The following CELSR1 variants were observed in gnomAD, a reference collection of about 807,000 sequenced individuals.
The protein encoded by CELSR1 is adhesion G protein-coupled receptor C1.
A neutral mutation model predicts 249.1 loss-of-function variants in CELSR1; 110 were observed. That is an observed-to-expected ratio of 0.44 (90% CI 0.38 to 0.52). The LOEUF is 0.52. Among genes scored for constraint, CELSR1 ranks in the 20% least tolerant of loss-of-function variants. CELSR1 has a pLI of 0.00. For missense variants in CELSR1, 4,109 were observed against 4,296.4 expected (o/e 0.96, Z 1.22); for synonymous variants, 2,113 against 1,900.0 (o/e 1.11, Z -2.92).
chr22:46,426,508 G>A (rs2079539741), intron 5 of CELSR1, among the ~76,000 whole-genome samples: 1 of 152,040 alleles, frequency 6.6e-6, no homozygotes, highest in African/African-American at 2.4e-5. Flanking sequence ...CGGTCTTGGG[G>A]CTCTTTTATA....
In CELSR1 at chr22:46,397,661, A is replaced by G; in HGVS notation, c.5701+13T>C. 1 of 1,467,070 alleles carries G rather than the reference A, an allele frequency of 6.8e-7. No individual in the cohort carries two copies. The highest frequency in any genetic ancestry group is 9.1e-7 in the Non-Finnish European group (1 of 1,097,776). 90.9% of individuals were successfully genotyped at this position (1,467,070 alleles called of 1,614,324 possible). A position where few individuals can be genotyped will look rare whatever the true frequency, so the allele number is the denominator to read the frequency against. On this transcript the variant is annotated intron_variant, in intron 12 of 34. Coordinates refer to ENST00000674500, the MANE Select transcript of CELSR1 (RefSeq NM_001378328.1). ...CTCCCTGTCACTGAAGGGCCCCGGGAGGGCGGTCCCACCTTTGTCACAGAC... is the reference window on the plus strand; with the variant it reads ...CTCCCTGTCACTGAAGGGCCCCGGGGGGGCGGTCCCACCTTTGTCACAGAC...
At position 46,361,827 on chromosome 22, in the gene CELSR1, A is replaced by G. The variant is rs1352637266; in HGVS notation, c.*1396T>C. 1 of 152,266 alleles carries G rather than the reference A, an allele frequency of 6.6e-6. No individual in the cohort carries two copies. The allele number at this position is 152,266 out of a possible 1,614,324, so 9.4% of individuals were successfully genotyped here. ...CTTATTTGGGCACCTGATTTGAAGA[A>G]CAAAGGAAACGCTAAAATCAAACAT... On this transcript the variant is annotated 3_prime_UTR_variant, in exon 35 of 35. Coordinates refer to ENST00000674500, the MANE Select transcript of CELSR1 (RefSeq NM_001378328.1).
At position 46,534,699 on chromosome 22, in the gene CELSR1, G is replaced by T; in HGVS notation, c.2472C>A (p.Ile824=). 1 of 1,613,540 alleles carries T rather than the reference G, an allele frequency of 6.2e-7. No homozygotes were observed. The highest frequency in any genetic ancestry group is 1.1e-5 in the South Asian group (1 of 91,084). The change falls in exon 1 of 35, where the codon ATC becomes ATA. Residue 824 remains isoleucine, a synonymous_variant. Coordinates refer to ENST00000674500, the MANE Select transcript of CELSR1 (RefSeq NM_001378328.1). This position sits in a 1 kb window ranked among gnomAD's most constrained non-coding sequence, Gnocchi z 9.7. ...NDEDTGENAR[I]TYVIQDPVPQ... ...GCACGGGGTCCTGAATCACGTAGGT[G>T]ATGCGGGCATTCTCTCCTGTGTCCT...
rs2079874632 is a variant in CELSR1 at position 46,450,795 on chromosome 22, C to T, written c.4184-11384G>A. On this transcript the variant is annotated intron_variant, in intron 2 of 34. Transcript: ENST00000674500. Reference sequence around the variant, plus strand: ...GCTGTCAGGACAGAGGTTTCCTGAGCAAGATCCTGGCTAGTGCCTCAGTTT... The same window carrying T: ...GCTGTCAGGACAGAGGTTTCCTGAGTAAGATCCTGGCTAGTGCCTCAGTTT... Among the ~76,000 whole-genome samples the T allele has an allele frequency of 2.6e-5, 4 of 152,344 alleles. No individual in the cohort carries two copies. In the South Asian group the frequency reaches 8.3e-4, roughly 32 times the overall value.
chr22:46,425,428 G>A (rs1348279189), intron 5 of CELSR1, among the ~76,000 whole-genome samples: 3 of 152,142 alleles, frequency 2.0e-5, no homozygotes, highest in Non-Finnish European at 2.9e-5. Flanking sequence ...TTTCCTTTTT[G>A]GGAATGTTAA....
In CELSR1 at chr22:46,365,698, G is replaced by A. The variant is rs200266139; in HGVS notation, c.8301-9C>T. ...TCTGGATCCCTTCATCCCTAGAGAG[G>A]CCAGGGAGGGTGGGCTCAGTATCAT... is the stretch of plus-strand genomic sequence containing the variant. On this transcript the variant is annotated splice_polypyrimidine_tract_variant and intron_variant, in intron 30 of 34. Transcript: ENST00000674500. The A allele has an allele frequency of 7.0e-5, 109 of 1,559,106 alleles. No homozygotes were observed. In the East Asian group the frequency reaches 1.4e-3, roughly 21 times the overall value.
intron 32 of CELSR1, 73 bp from the exon 33 acceptor site, chr22:46,364,809 T>A: frequency 7.1e-7 from 1 of 1,411,798 alleles, no homozygotes; most frequent in Non-Finnish European, 9.6e-7. Context: ...GCCATGGGTC[T>A]GGTGGCTCTG....
chr22:46,410,342 C>T lies in CELSR1; in HGVS notation c.4933+56G>A, dbSNP rs373732307. 1.8e-5 allele frequency: 28 copies of T among 1,585,094 alleles called. No homozygotes were observed. Among genetic ancestry groups the T allele is most frequent in the African/African-American group, 1.1e-4 (8 of 74,456 alleles). On this transcript the variant is annotated intron_variant, in intron 7 of 34. Coordinates refer to ENST00000674500, the MANE Select transcript of CELSR1 (RefSeq NM_001378328.1). This position sits in a 1 kb window ranked among gnomAD's most constrained non-coding sequence, Gnocchi z 6.8. ...CAAGCAGTGACCTCTGTGTGGCTGC[C>T]GACGTCCAGCCAGATGCCACTGCGG...
At chr22:46,477,264 CCCACCCG>C (rs1489846894) in intron 1 of CELSR1, among the ~76,000 whole-genome samples, 1 of 152,168 alleles carries the variant, frequency 6.6e-6, no homozygotes, top group Non-Finnish European at 1.5e-5. Flanking sequence ...CCCACACAGG[CCCACCCG>C]CCACAGTGAA....
At chr22:46,444,606 T>C (rs2079796105) in intron 2 of CELSR1, among the ~76,000 whole-genome samples, 1 of 152,388 alleles carries the variant, frequency 6.6e-6, no homozygotes, top group Admixed American at 6.5e-5. Flanking sequence ...CGGAGTTGTA[T>C]TTGCTTTGCT....
chr22:46,503,563 C>A (rs150527727), intron 1 of CELSR1, among the ~76,000 whole-genome samples: 1 of 152,336 alleles, frequency 6.6e-6, no homozygotes, highest in East Asian at 1.9e-4. Flanking sequence ...GGCCCGAGGC[C>A]GGACCAGGCA....
intron 5 of CELSR1, among the ~76,000 whole-genome samples, chr22:46,431,642 C>T (rs1209158486): frequency 6.6e-6 from 1 of 152,190 alleles, no homozygotes; most frequent in Non-Finnish European, 1.5e-5. Context: ...CAGGAAGGGT[C>T]ACCAGGTCAG....
Position 46,484,102 on chromosome 22 carries a change from A to G in CELSR1, c.3545-19757T>C, listed in dbSNP as rs2080292383. Among the ~76,000 whole-genome samples, 1 of 152,186 alleles carries G rather than the reference A, an allele frequency of 6.6e-6. No individual in the cohort carries two copies. The highest frequency in any genetic ancestry group is 1.5e-5 in the Non-Finnish European group (1 of 68,026). ...TGCCCTGGCTCTCAGACTCACCTGTAGGGAGGAGCGCCCCAGGCCTTCCGC... is the reference window on the plus strand; with the variant it reads ...TGCCCTGGCTCTCAGACTCACCTGTGGGGAGGAGCGCCCCAGGCCTTCCGC... On this transcript the variant is annotated intron_variant, in intron 1 of 34. Coordinates refer to ENST00000674500, the MANE Select transcript of CELSR1 (RefSeq NM_001378328.1). The surrounding 1 kb of genome is among the most constrained non-coding windows in gnomAD (Gnocchi z 4.5).
Position 46,367,076 on chromosome 22 carries a change from C to A in CELSR1, c.8122G>T (p.Val2708Phe), listed in dbSNP as rs768891513. 4 of 1,611,610 alleles carry A rather than the reference C, an allele frequency of 2.5e-6. No individual in the cohort carries two copies. The highest frequency in any genetic ancestry group is 3.4e-6 in the Non-Finnish European group (4 of 1,179,734). ...LLFHCVLNQE[V>F]RKHLKGVLGG... ...AGCACGCCCTTCAGGTGCTTCCGGA[C>A]CTCCTGGTTGAGCACGCAGTGGAAA... The change falls in exon 29 of 35, where the codon GTC (valine) becomes TTC (phenylalanine). Residue 2708 changes from valine to phenylalanine, a missense_variant. By Grantham distance (50) the Val-to-Phe change is conservative. This residue lies in a region of CELSR1 where 1,805 missense variants were observed against 1,831.6 expected (regional missense o/e 0.99). Coordinates refer to ENST00000674500, the MANE Select transcript of CELSR1 (RefSeq NM_001378328.1).
chr22:46,385,707 TGG>T (rs2079024991), intron 19 of CELSR1, among the ~76,000 whole-genome samples: 2 of 147,348 alleles, frequency 1.4e-5, no homozygotes, highest in African/African-American at 2.6e-5. Flanking sequence ...AGACGGAGTC[TGG>T]CTCTCTCGCC....
Position 46,433,103 on chromosome 22 carries a change from T to C in CELSR1, c.4611+290A>G, listed in dbSNP as rs1376838381. ...ATACAGTGGCACGATCTCGGCTCACTGTAACTTCTGCCTCCCAGGCTCAAG... is the reference window on the plus strand; with the variant it reads ...ATACAGTGGCACGATCTCGGCTCACCGTAACTTCTGCCTCCCAGGCTCAAG... On this transcript the variant is annotated intron_variant, in intron 5 of 34. Coordinates refer to ENST00000674500, the MANE Select transcript of CELSR1 (RefSeq NM_001378328.1). The surrounding 1 kb of genome is among the most constrained non-coding windows in gnomAD (Gnocchi z 5.7). 6.6e-6 allele frequency among the ~76,000 whole-genome samples: 1 copy of C among 152,060 alleles called. No individual in the cohort carries two copies. Among genetic ancestry groups the C allele is most frequent in the Non-Finnish European group, 1.5e-5 (1 of 67,994 alleles).
intron 9 of CELSR1, among the ~76,000 whole-genome samples, chr22:46,405,182 C>T (rs926299573): frequency 1.3e-5 from 2 of 151,296 alleles, no homozygotes; most frequent in African/African-American, 2.4e-5. Flanking sequence ...TTTGCTTGGC[C>T]GTGCACAGTG....
In CELSR1 at chr22:46,468,955, A is replaced by C. The variant is rs2080126378; in HGVS notation, c.3545-4610T>G. On this transcript the variant is annotated intron_variant, in intron 1 of 34. Transcript: ENST00000674500. The surrounding 1 kb of genome is among the most constrained non-coding windows in gnomAD (Gnocchi z 4.5). ...GTTGGGCGTGGTGGCACGTGCCTGT[A>C]GTCTCAGCTACTCGGAAGGCTGAGG... 6.6e-6 allele frequency among the ~76,000 whole-genome samples: 1 copy of C among 152,122 alleles called. No homozygotes were observed. The highest frequency in any genetic ancestry group is 6.6e-5 in the Admixed American group (1 of 15,262).
intron 1 of CELSR1, among the ~76,000 whole-genome samples, chr22:46,477,358 A>G (rs765473886): frequency 1.5e-4 from 23 of 152,176 alleles, no homozygotes; most frequent in Non-Finnish European, 3.1e-4. Context: ...GCTTTGCTTC[A>G]AGTCCTCACA....
Sources: gnomAD v4.1 joint callset for allele counts (sites outside exome capture counted in the v4.1 genomes callset) on GRCh38, gnomAD v4.1.1 for gene constraint, gnomAD v4.1.1 regional missense constraint, Gnocchi (gnomAD v3.1) non-coding constraint, MANE v1.5 for transcripts, NCBI Gene and HGNC (gene_info 2026-07-23, HGNC 2026-07-21) for gene names.